ACSS2: variants seen among roughly 807,000 people sequenced by gnomAD.
ACSS2 encodes the protein acetyl-coenzyme A synthetase, cytoplasmic.
ACSS2 carries 58 observed loss-of-function variants against 90.6 expected under a neutral mutation model. That is an observed-to-expected ratio of 0.64 (90% confidence interval 0.52 to 0.80). ACSS2 has a LOEUF of 0.80. Ranked by LOEUF, ACSS2 falls within the 30% of genes least tolerant of loss-of-function variation. The pLI, the probability that ACSS2 is intolerant of heterozygous loss-of-function variation, is 0.00. For synonymous variants in ACSS2, 300 were observed against 330.9 expected (o/e 0.91, Z 1.01); for missense variants, 759 against 912.0 (o/e 0.83, Z 2.16).
At chr20:34,921,975 G>A in intron 13 of ACSS2, 109 bp downstream of exon 13, 2 of 1,502,028 alleles carry the variant, frequency 1.3e-6, no homozygotes, top group Non-Finnish European at 1.8e-6. Context: ...GCTTAGGACT[G>A]AAACTTCATG....
chr20:34,920,848 T>C, intron 9 of ACSS2, 139 bp downstream of exon 9: 2 of 1,454,290 alleles, frequency 1.4e-6, no homozygotes, highest in South Asian at 2.6e-5. Context: ...CCTGAGGGGG[T>C]TGCGTATCCT....
At chr20:34,883,286 T>C (rs997358604) in intron 2 of ACSS2, among the ~76,000 whole-genome samples, 2 of 152,228 alleles carry the variant, frequency 1.3e-5, no homozygotes, top group Admixed American at 1.3e-4. Flanking sequence ...ATTCTTGCTT[T>C]GGAAGACAAA....
intron 2 of ACSS2, among the ~76,000 whole-genome samples, chr20:34,911,961 G>A (rs1033333408): frequency 2.0e-5 from 3 of 152,054 alleles, no homozygotes; most frequent in African/African-American, 7.2e-5. Flanking sequence ...GGGATTACAG[G>A]CGTGTGCCAC....
At chr20:34,898,496 G>A (rs1402688176) in intron 2 of ACSS2, among the ~76,000 whole-genome samples, 1 of 151,922 alleles carries the variant, frequency 6.6e-6, no homozygotes, top group Non-Finnish European at 1.5e-5. Context: ...GACACAGGGT[G>A]CTGATTGGTG....
intron 13 of ACSS2, 164 bp from the exon 14 acceptor site, chr20:34,923,159 C>T: frequency 1.7e-6 from 1 of 590,710 alleles, no homozygotes. Flanking sequence ...TCTCTGAGGT[C>T]ACCTAGCTAG....
chr20:34,876,662 A>T lies in ACSS2; in HGVS notation c.17A>T (p.Glu6Val). 1 of 1,390,988 alleles carries T rather than the reference A, an allele frequency of 7.2e-7. No individual in the cohort carries two copies. The highest frequency in any genetic ancestry group is 9.4e-7 in the Non-Finnish European group (1 of 1,065,750). The allele number at this position is 1,390,988 out of a possible 1,614,324, so 86.2% of individuals were successfully genotyped here. Reference protein sequence around the residue: MGLPEERVRSGSGSRG... With the variant: MGLPEVRVRSGSGSRG... ...CTTGACGTGATGGGGCTTCCTGAGGAGCGGGTCCGGAGCGGCAGCGGGAGC... is the reference window on the plus strand; with the variant it reads ...CTTGACGTGATGGGGCTTCCTGAGGTGCGGGTCCGGAGCGGCAGCGGGAGC... The change falls in exon 1 of 18, where the codon GAG becomes GTG. Residue 6 changes from glutamate (E) to valine (V), a missense_variant. Transcript: ENST00000360596.
chr20:34,900,166 CTTT>C (rs34951413), intron 2 of ACSS2, among the ~76,000 whole-genome samples: 1 of 79,192 alleles, frequency 1.3e-5, no homozygotes, highest in Non-Finnish European at 2.4e-5. Context: ...CATGCCTGAC[CTTT>C]TTTTTTTTTT....
At chr20:34,899,328 G>T (rs1471251720) in intron 2 of ACSS2, among the ~76,000 whole-genome samples, 2 of 152,258 alleles carry the variant, frequency 1.3e-5, no homozygotes, top group Non-Finnish European at 2.9e-5. Context: ...CCGAGAGCGA[G>T]CAAGGGCTGT....
At position 34,927,123 on chromosome 20, in the gene ACSS2, A is replaced by G. The variant is rs778789107; in HGVS notation, c.2015A>G (p.Gln672Arg). The G allele has an allele frequency of 1.9e-6, 3 of 1,614,208 alleles. No homozygotes were observed. In the Admixed American group the frequency reaches 5.0e-5, roughly 27 times the overall value. The stretch of plus-strand genomic sequence containing the variant: ...AGGCGAGTGCTTCGGAAGATTGCTC[A>G]GAATGACCATGACCTCGGGGACATG... ...IMRRVLRKIAQNDHDLGDMST... is the reference protein window; with the variant it reads ...IMRRVLRKIARNDHDLGDMST... Residue 672 changes from glutamine to arginine, a missense_variant, in exon 18 of 18, where the codon CAG becomes CGG. Physicochemically the swap from Gln to Arg is conservative, Grantham distance 43. Coordinates refer to ENST00000360596, the MANE Select transcript of ACSS2 (RefSeq NM_018677.4). This position sits in a 1 kb window ranked among gnomAD's most constrained non-coding sequence, Gnocchi z 4.2.
chr20:34,923,920 A>G (rs184358199), intron 14 of ACSS2, among the ~76,000 whole-genome samples: 2 of 151,928 alleles, frequency 1.3e-5, no homozygotes, highest in African/African-American at 2.4e-5. Flanking sequence ...TCCAAACTAT[A>G]TCAGTTGGTT....
chr20:34,926,465 A>G (rs1230893930), intron 16 of ACSS2, among the ~76,000 whole-genome samples, 184 bp downstream of exon 16: 1 of 152,146 alleles, frequency 6.6e-6, no homozygotes, highest in Non-Finnish European at 1.5e-5. Context: ...GATAATAATA[A>G]TAGCCAACAT....
Position 34,918,034 on chromosome 20 carries a change from G to A in ACSS2, c.835-1401G>A, listed in dbSNP as rs553447925. Among the ~76,000 whole-genome samples the A allele has an allele frequency of 3.9e-5, 6 of 152,276 alleles. No homozygotes were observed. The South Asian group carries it at 1.2e-3, about 32-fold the overall frequency. On this transcript the variant is annotated intron_variant, in intron 7 of 17. Coordinates refer to ENST00000360596, the MANE Select transcript of ACSS2 (RefSeq NM_018677.4). ...GGCCTCCCAAAGTGCTGGGATTACA[G>A]GCGTGAGCCACCGCGCCCAGCCCCA...
At chr20:34,908,864 GAAAAAA>G in intron 2 of ACSS2, 4 of 260,530 alleles carry the variant, frequency 1.5e-5, no homozygotes, top group South Asian at 2.4e-5. Flanking sequence ...TCCATCTTGG[GAAAAAA>G]AAAAAAAAAA....
At chr20:34,890,327 T>C (rs996989740) in intron 2 of ACSS2, among the ~76,000 whole-genome samples, 1 of 152,158 alleles carries the variant, frequency 6.6e-6, no homozygotes, top group African/African-American at 2.4e-5. Context: ...TCTCATGCTG[T>C]CTTCCCCCTG....
chr20:34,898,964 G>A (rs1253504398), intron 2 of ACSS2, among the ~76,000 whole-genome samples: 2 of 152,250 alleles, frequency 1.3e-5, no homozygotes, highest in Non-Finnish European at 2.9e-5. Flanking sequence ...AGGCAGCTAA[G>A]GCCTGGCGAG....
intron 2 of ACSS2, among the ~76,000 whole-genome samples, chr20:34,887,613 T>C (rs922583562): frequency 6.6e-6 from 1 of 152,008 alleles, no homozygotes; most frequent in Non-Finnish European, 1.5e-5. Flanking sequence ...TGGTGGCAGG[T>C]GCCTGTAATT....
intron 2 of ACSS2, among the ~76,000 whole-genome samples, chr20:34,897,724 G>T (rs1486886907): frequency 1.3e-5 from 2 of 152,062 alleles, no homozygotes; most frequent in Non-Finnish European, 2.9e-5. Context: ...AGGTACTTGG[G>T]AGGCTGAGGC....
At chr20:34,876,450 C>T, upstream of ACSS2, 1 of 509,508 alleles carries the variant, frequency 2.0e-6, no homozygotes, top group Non-Finnish European at 3.1e-6. Flanking sequence ...TATTTCTGTC[C>T]TTGCCAACCT....
chr20:34,875,662 A>C (rs2079891228), upstream of ACSS2, among the ~76,000 whole-genome samples: 1 of 152,250 alleles, frequency 6.6e-6, no homozygotes, highest in African/African-American at 2.4e-5. Context: ...TTCAAGCCTG[A>C]CGAGGAAGTA....
Sources: allele counts gnomAD v4.1 joint callset (sites outside exome capture counted in the v4.1 genomes callset), GRCh38; gene constraint gnomAD v4.1.1; non-coding constraint Gnocchi (gnomAD v3.1); transcripts MANE v1.5; gene names NCBI Gene and HGNC (gene_info 2026-07-23, HGNC 2026-07-21).